The following RHBDD1 variants were observed in gnomAD, a reference collection of about 807,000 sequenced individuals.
RHBDD1 encodes the protein rhomboid-related protein 4.
In RHBDD1, 38 loss-of-function variants were observed where a neutral mutation model predicts 36.3. The observed-to-expected ratio is 1.05, with a 90% CI of 0.81 to 1.37. The LOEUF is 1.37. Ranked by LOEUF, RHBDD1 falls within the 40% of genes most tolerant of loss-of-function variation. RHBDD1 has a pLI of 0.00. For missense variants in RHBDD1, 393 were observed against 377.6 expected, an observed-to-expected ratio of 1.04 and a Z score of -0.34; for synonymous variants, 151 against 136.5, an observed-to-expected ratio of 1.11 and a Z score of -0.74.
At chr2:226,831,724 C>G (rs892797265), upstream of RHBDD1, among the ~76,000 whole-genome samples, 2 of 151,522 alleles carry the variant, frequency 1.3e-5, no homozygotes, top group African/African-American at 4.9e-5. Flanking sequence ...TTTTTTACAA[C>G]CACCATAGAA....
chr2:226,882,885 C>G (rs1945886239), intron 5 of RHBDD1, among the ~76,000 whole-genome samples: 1 of 152,138 alleles, frequency 6.6e-6, no homozygotes, highest in Non-Finnish European at 1.5e-5. Context: ...CTCTTCTAGG[C>G]TACATTCTCA....
At chr2:226,941,028 C>T (rs908665705) in intron 8 of RHBDD1, among the ~76,000 whole-genome samples, 6 of 141,064 alleles carry the variant, frequency 4.3e-5, no homozygotes, top group African/African-American at 1.6e-4. Flanking sequence ...CTCACTGCAA[C>T]CTCCACCTCT....
chr2:226,949,290 C>CA (rs1428611370), intron 8 of RHBDD1, among the ~76,000 whole-genome samples: 2 of 152,148 alleles, frequency 1.3e-5, no homozygotes, highest in South Asian at 4.2e-4. Flanking sequence ...CATATGGAAC[C>CA]AAAAAAGAGT....
intron 5 of RHBDD1, among the ~76,000 whole-genome samples, chr2:226,903,071 AT>A (rs1463709759): frequency 6.6e-6 from 1 of 152,076 alleles, no homozygotes; most frequent in Admixed American, 6.5e-5. Context: ...AATTGAAGTT[AT>A]TATTATTTTT....
the RHBDD1 span, among the ~76,000 whole-genome samples, chr2:226,819,005 T>C: frequency 6.6e-6 from 1 of 152,184 alleles, no homozygotes; most frequent in Non-Finnish European, 1.5e-5. Flanking sequence ...CCTGACACCA[T>C]GGCCAAATGT....
chr2:226,824,421 A>G, the RHBDD1 span, among the ~76,000 whole-genome samples: 5 of 152,236 alleles, frequency 3.3e-5, no homozygotes, highest in Non-Finnish European at 7.3e-5. Context: ...TATATCTAAC[A>G]TTCTCAGGTA....
At chr2:226,863,060 A>G (rs1297292321) in intron 3 of RHBDD1, among the ~76,000 whole-genome samples, 1 of 152,200 alleles carries the variant, frequency 6.6e-6, no homozygotes, top group Non-Finnish European at 1.5e-5. Flanking sequence ...TCGGATTTCA[A>G]CATGAGGCCG....
upstream of RHBDD1, among the ~76,000 whole-genome samples, chr2:226,833,549 G>A (rs542298900): frequency 2.0e-5 from 3 of 152,300 alleles, no homozygotes; most frequent in South Asian, 6.2e-4. Flanking sequence ...AGGTATTGCT[G>A]CTTTTCCTGT....
At chr2:226,821,811 G>T in the RHBDD1 span, among the ~76,000 whole-genome samples, 1 of 151,666 alleles carries the variant, frequency 6.6e-6, no homozygotes, top group Non-Finnish European at 1.5e-5. Context: ...CTTTCCTTTG[G>T]CTCAGCAACT....
rs1369426385 is a variant in RHBDD1, at chr2:226,839,977, CTATATT to C, written c.-91+356_-91+361del. 6.6e-5 allele frequency among the ~76,000 whole-genome samples: 10 copies of C among 152,114 alleles called. No individual in the cohort carries two copies. The South Asian group carries it at 8.3e-4, about 13-fold the overall frequency. On this transcript the variant is annotated intron_variant, in intron 3 of 8. Coordinates refer to ENST00000392062, the MANE Select transcript of RHBDD1 (RefSeq NM_001167608.3). ...TTTTTGTTGTATGGAAGCAACTACT[CTATATT>C]TATATAGTAAAGTGTTTTTTTAGAG...
chr2:226,988,485 T>A, intron 8 of RHBDD1: 1 of 1,542,528 alleles, frequency 6.5e-7, no homozygotes, highest in South Asian at 1.2e-5. Flanking sequence ...GTAGTGGAGT[T>A]GAGCAAAGAC....
intron 5 of RHBDD1, among the ~76,000 whole-genome samples, chr2:226,880,057 T>C (rs528198034): frequency 1.2e-4 from 19 of 152,336 alleles, no homozygotes; most frequent in African/African-American, 4.3e-4. Flanking sequence ...CACATTTGTT[T>C]ATTGTCAAGG....
chr2:226,968,338 G>A (rs1043107525), intron 8 of RHBDD1, among the ~76,000 whole-genome samples: 1 of 152,190 alleles, frequency 6.6e-6, no homozygotes, highest in African/African-American at 2.4e-5. Flanking sequence ...AAAATCTGTA[G>A]GGCAGGCCGT....
chr2:226,976,010 A>C (rs1157801651), intron 8 of RHBDD1, among the ~76,000 whole-genome samples: 1 of 151,838 alleles, frequency 6.6e-6, no homozygotes, highest in East Asian at 1.9e-4. Context: ...TCCTGCCCCC[A>C]TTAGCATAGC....
chr2:226,980,616 T>C (rs1955511945), intron 8 of RHBDD1, among the ~76,000 whole-genome samples: 1 of 152,190 alleles, frequency 6.6e-6, no homozygotes, highest in Non-Finnish European at 1.5e-5. Context: ...CCACACTTAA[T>C]TAAATCTGTA....
chr2:226,861,992 G>T (rs1943897231), intron 3 of RHBDD1, among the ~76,000 whole-genome samples: 1 of 152,154 alleles, frequency 6.6e-6, no homozygotes, highest in Admixed American at 6.5e-5. Context: ...GCATGCACGT[G>T]TATGTATATG....
the RHBDD1 span, among the ~76,000 whole-genome samples, chr2:226,806,087 TTTC>T: frequency 1.5e-4 from 23 of 152,116 alleles, no homozygotes; most frequent in African/African-American, 4.1e-4. Flanking sequence ...TCTCTCTCTC[TTTC>T]TTCTTCTTCT....
At chr2:226,810,704 C>G in the RHBDD1 span, among the ~76,000 whole-genome samples, 957 of 152,028 alleles carry the variant, frequency 6.3e-3, 9 homozygotes, top group African/African-American at 0.022. Context: ...AGGGCTTGGT[C>G]TTGCTGTCTC....
At chr2:226,932,284 AT>A (rs1352548410) in intron 8 of RHBDD1, among the ~76,000 whole-genome samples, 1 of 152,148 alleles carries the variant, frequency 6.6e-6, no homozygotes, top group Non-Finnish European at 1.5e-5. Context: ...AAGAATGTGT[AT>A]TCTGCTGTTG....
Sources: allele counts gnomAD v4.1 joint callset (sites outside exome capture counted in the v4.1 genomes callset), GRCh38; gene constraint gnomAD v4.1.1; transcripts MANE v1.5; gene names NCBI Gene and HGNC (gene_info 2026-07-23, HGNC 2026-07-21).